Variants in WASHC2C observed in about 807,000 individuals in gnomAD.
WASHC2C encodes WASH complex subunit 2C, also known as Vaccinia Penetration Factor.
In WASHC2C, 73 loss-of-function variants were observed where a neutral mutation model predicts 142.2. The ratio of observed to expected loss-of-function variants is 0.51; its 90% CI spans 0.43 to 0.62. WASHC2C has a LOEUF of 0.62. Ranked by LOEUF, WASHC2C falls within the 20% of genes least tolerant of loss-of-function variation. WASHC2C has a pLI of 0.00. For missense variants in WASHC2C, 969 were observed against 1,531.7 expected, an observed-to-expected ratio of 0.63 and a Z score of 6.13; for synonymous variants, 337 against 565.5, an observed-to-expected ratio of 0.60 and a Z score of 5.73.
intron 29 of WASHC2C, among the ~76,000 whole-genome samples, chr10:45,789,958 A>G (rs1251831667): frequency 1.3e-5 from 2 of 152,230 alleles, no homozygotes; most frequent in African/African-American, 4.8e-5. Context: ...TGGGGACTGC[A>G]GGCACAAGGT....
chr10:45,751,645 T>G (rs1554874622), intron 11 of WASHC2C, 92 bp downstream of exon 11: 1 of 994,016 alleles, frequency 1.0e-6, no homozygotes, highest in Non-Finnish European at 1.5e-6. Context: ...TTACATGCTG[T>G]TTTCCCTCTG....
At chr10:45,762,575 A>G (rs2055254864) in intron 17 of WASHC2C, among the ~76,000 whole-genome samples, 1 of 152,260 alleles carries the variant, frequency 6.6e-6, no homozygotes, top group Non-Finnish European at 1.5e-5. Flanking sequence ...TAGACTAGCA[A>G]ACATTTAAAA....
chr10:45,754,737 T>C (rs186786263), intron 14 of WASHC2C, among the ~76,000 whole-genome samples, 192 bp downstream of exon 14: 2 of 152,348 alleles, frequency 1.3e-5, no homozygotes, highest in Admixed American at 1.3e-4. Flanking sequence ...GGCCTTGGAC[T>C]TTTTTGTGTT....
chr10:45,768,942 G>A (rs1276241331), intron 19 of WASHC2C, among the ~76,000 whole-genome samples: 1 of 151,954 alleles, frequency 6.6e-6, no homozygotes, highest in East Asian at 1.9e-4. Flanking sequence ...ATCATGAGAA[G>A]CTCTGTGAGG....
chr10:45,773,223 T>C, intron 20 of WASHC2C, 33 bp from the exon 21 acceptor site: 2 of 652,282 alleles, frequency 3.1e-6, no homozygotes, highest in Non-Finnish European at 2.6e-6. Context: ...CATCACACTT[T>C]TCCTTAATTT....
At position 45,727,556 on chromosome 10, in the gene WASHC2C, G is replaced by A. The variant is rs555511544; in HGVS notation, c.126+17G>A. The A allele has an allele frequency of 2.5e-5, 39 of 1,564,196 alleles. No homozygotes were observed. The highest frequency in any genetic ancestry group is 9.6e-5 in the Admixed American group (5 of 52,116). On this transcript the variant is annotated intron_variant, in intron 2 of 30. Transcript: ENST00000623400. ...GACGCGGGCGTGAGAGGCGGGCCCC[G>A]GGGACGCGAGAGCGGCAGGGGTGAC...
chr10:45,780,621 C>A (rs2057418599), intron 23 of WASHC2C, among the ~76,000 whole-genome samples: 1 of 152,046 alleles, frequency 6.6e-6, no homozygotes, highest in East Asian at 1.9e-4. Context: ...CTTAAGGAAT[C>A]TGCAAAAAAC....
intron 16 of WASHC2C, 53 bp downstream of exon 16, chr10:45,757,192 A>T: frequency 4.2e-5 from 67 of 1,610,678 alleles, no homozygotes; most frequent in Non-Finnish European, 5.7e-5. Flanking sequence ...GCATTTTAAT[A>T]ATTCATCCGG....
chr10:45,759,557 T>C (rs1202461878), intron 17 of WASHC2C, among the ~76,000 whole-genome samples, 156 bp downstream of exon 17: 8 of 152,168 alleles, frequency 5.3e-5, no homozygotes, highest in Middle Eastern at 3.4e-3. Flanking sequence ...TGGTGGTTCA[T>C]GCCTGTAATC....
At chr10:45,747,490 C>G (rs1446348845) in intron 8 of WASHC2C, among the ~76,000 whole-genome samples, 13 of 152,196 alleles carry the variant, frequency 8.5e-5, no homozygotes, top group African/African-American at 3.1e-4. Context: ...AACTTCTATA[C>G]TTTTAAACAT....
Position 45,769,547 on chromosome 10 carries a change from C to T in WASHC2C, c.1968C>T (p.Ala656=), listed in dbSNP as rs2056355280. ...CTGGGACCCTCCAGAGCCAGGAGGC[C>T]AAGGCTGTGAAAAAGACCAGTCTCT... The part of the protein sequence containing the change: ...RDSGTLQSQE[A]KAVKKTSLFE... The change falls in exon 20 of 31, where the codon GCC becomes GCT. Residue 656 remains alanine, a synonymous_variant. Coordinates refer to ENST00000623400, the MANE Select transcript of WASHC2C (RefSeq NM_001330074.2). 7 of 1,611,558 alleles carry T rather than the reference C, an allele frequency of 4.3e-6. No homozygotes were observed. The highest frequency in any genetic ancestry group is 1.3e-5 in the African/African-American group (1 of 74,740).
In WASHC2C at chr10:45,791,739, T is replaced by A. The variant is rs1488986644; in HGVS notation, c.3887-522T>A. ...AAACCCTAGCAGTAACATTACTGGG[T>A]AATTACCATAATTAGATAAGACAAG... On this transcript the variant is annotated intron_variant, in intron 30 of 30. Transcript: ENST00000623400. Among the ~76,000 whole-genome samples, 2 of 146,168 alleles carry A rather than the reference T, an allele frequency of 1.4e-5. 1 individual carries two copies. Among genetic ancestry groups the A allele is most frequent in the Admixed American group, 1.4e-4 (2 of 14,108 alleles).
At chr10:45,784,518 A>G in intron 23 of WASHC2C, 47 bp from the exon 24 acceptor site, 1 of 1,586,378 alleles carries the variant, frequency 6.3e-7, no homozygotes, top group South Asian at 1.1e-5. Flanking sequence ...TCCTTGAGAT[A>G]AGTTCTTACA....
At chr10:45,739,607 G>GTT (rs199640318) in intron 4 of WASHC2C, among the ~76,000 whole-genome samples, 86 of 142,822 alleles carry the variant, frequency 6.0e-4, no homozygotes, top group African/African-American at 1.0e-3. Context: ...TAATTGTCCA[G>GTT]TTTTTTTTTT....
rs182442683 is a variant in WASHC2C, at chr10:45,750,818, G to T, written c.911G>T (p.Arg304Leu). 6,314 of 1,548,276 alleles carry T rather than the reference G, an allele frequency of 4.1e-3. 458 individuals are homozygous for T. In the African/African-American group the frequency reaches 0.077, roughly 19 times the overall value. Residue 304 changes from arginine (R) to leucine (L), a missense_variant, in exon 10 of 31, where the codon CGA (arginine) becomes CTA (leucine). Physicochemically the swap from Arg to Leu is moderately radical, Grantham distance 102. Coordinates refer to ENST00000623400, the MANE Select transcript of WASHC2C (RefSeq NM_001330074.2). The stretch of plus-strand genomic sequence containing the variant: ...CGCATCAAGGGGGATGCCATGGGTC[G>T]AGTGGACGAGGAGCCGACAAGTGAG... ...AARIKGDAMG[R>L]VDEEPTTLPS...
intron 29 of WASHC2C, 114 bp downstream of exon 29, chr10:45,789,605 T>C: frequency 6.7e-7 from 1 of 1,494,732 alleles, no homozygotes; most frequent in Non-Finnish European, 9.1e-7. Flanking sequence ...CATAGCCACT[T>C]GCTTAGTAAT....
At chr10:45,771,850 A>G (rs1192570762) in intron 20 of WASHC2C, 11 of 234,576 alleles carry the variant, frequency 4.7e-5, no homozygotes, top group Non-Finnish European at 7.7e-5. Context: ...CATTTCCTCA[A>G]AATGTTAAAC....
In WASHC2C at chr10:45,792,842, T is replaced by C. The variant is rs1480489197; in HGVS notation, c.*442T>C. The C allele has an allele frequency of 1.3e-5, 6 of 472,134 alleles. No individual in the cohort carries two copies. The highest frequency in any genetic ancestry group is 8.7e-6 in the Non-Finnish European group (2 of 229,154). The allele number at this position is 472,134 out of a possible 1,614,324, so 29.2% of individuals were successfully genotyped here. A position where few individuals can be genotyped will look rare whatever the true frequency, so the allele number is the denominator to read the frequency against. ...TTATACTTCATGAGTCTTAGCAATA[T>C]GGGAGCAGGTTTTCACTGAATTCTG... On this transcript the variant is annotated 3_prime_UTR_variant, in exon 31 of 31. Coordinates refer to ENST00000623400, the MANE Select transcript of WASHC2C (RefSeq NM_001330074.2).
chr10:45,736,100 T>A (rs1420022082), intron 3 of WASHC2C, among the ~76,000 whole-genome samples: 2 of 130,198 alleles, frequency 1.5e-5, no homozygotes, highest in Admixed American at 8.1e-5. Flanking sequence ...TGAAACCCCA[T>A]CTCTACTAAA....
Sources: gnomAD v4.1 joint callset for allele counts (sites outside exome capture counted in the v4.1 genomes callset) on GRCh38, gnomAD v4.1.1 for gene constraint, MANE v1.5 for transcripts, NCBI Gene and HGNC (gene_info 2026-07-23, HGNC 2026-07-21) for gene names.